Variants in RRBP1 observed in about 807,000 individuals in gnomAD.
RRBP1 encodes ribosome binding protein 1.
A neutral mutation model predicts 165.2 loss-of-function variants in RRBP1; 94 were observed. That is an observed-to-expected ratio of 0.57 (90% CI 0.48 to 0.68). The LOEUF is 0.68. Among genes scored for constraint, RRBP1 ranks in the 30% least tolerant of loss-of-function variants. RRBP1 has a pLI of 0.00. For missense variants in RRBP1, 1,676 were observed against 1,763.0 expected, an observed-to-expected ratio of 0.95 and a Z score of 0.88; for synonymous variants, 680 against 714.5, an observed-to-expected ratio of 0.95 and a Z score of 0.77.
At chr20:17,624,371 T>C (rs2236254) in intron 13 of RRBP1, among the ~76,000 whole-genome samples, 76,133 of 152,006 alleles carry the variant, frequency 0.5, 23,474 homozygotes, top group Middle Eastern at 0.71. Context: ...TCCTAGTGCC[T>C]CTGTGTGTCC....
intron 2 of RRBP1, among the ~76,000 whole-genome samples, chr20:17,663,801 A>T (rs925700798): frequency 1.3e-5 from 2 of 152,164 alleles, no homozygotes; most frequent in Non-Finnish European, 2.9e-5. Context: ...CCCCCAACAG[A>T]AACCTCTTCT....
intron 4 of RRBP1, 39 bp from the exon 5 acceptor site, chr20:17,641,958 T>C (rs771853078): frequency 5.1e-5 from 82 of 1,597,268 alleles, no homozygotes; most frequent in Non-Finnish European, 6.4e-5. Flanking sequence ...AGGGGACAAA[T>C]GGGACTTGGC....
chr20:17,636,645 C>G lies in RRBP1; in HGVS notation c.2269G>C (p.Ala757Pro), dbSNP rs757139822. 6.2e-7 allele frequency: 1 copy of G among 1,613,252 alleles called. No homozygotes were observed. The highest frequency in any genetic ancestry group is 1.1e-5 in the South Asian group (1 of 91,086). The change falls in exon 6 of 25, where the codon GCT becomes CCT. Residue 757 changes from alanine to proline, a missense_variant. Coordinates refer to ENST00000377813, the MANE Select transcript of RRBP1 (RefSeq NM_001365613.2). ...QLVAREQEITAVQARMQASYR... is the reference protein window; with the variant it reads ...QLVAREQEITPVQARMQASYR... ...CTGGCCTGCATGCGTGCCTGCACAG[C>G]CGTGATCTCCTGCTCCCGGGCCACC... is the stretch of plus-strand genomic sequence containing the variant.
At chr20:17,664,513 T>C (rs2036830756) in intron 2 of RRBP1, among the ~76,000 whole-genome samples, 2 of 152,214 alleles carry the variant, frequency 1.3e-5, no homozygotes, top group South Asian at 4.1e-4. Context: ...TGTAGGAGGC[T>C]GCGCAGAGGC....
rs1384965607 is a variant in RRBP1 at position 17,642,970 on chromosome 20, T to C, written c.2061+9A>G. ...CCTCTGAGCATGGCCAGCAGGAGGG[T>C]GGGCCCACCTTGTGCCAGGTGTCCT... On this transcript the variant is annotated intron_variant, in intron 4 of 24. Coordinates refer to ENST00000377813, the MANE Select transcript of RRBP1 (RefSeq NM_001365613.2). 1 of 1,612,044 alleles carries C rather than the reference T, an allele frequency of 6.2e-7. No homozygotes were observed. Among genetic ancestry groups the C allele is most frequent in the Admixed American group, 1.7e-5 (1 of 59,954 alleles).
chr20:17,639,818 G>A (rs569137897), intron 5 of RRBP1, among the ~76,000 whole-genome samples: 24 of 151,660 alleles, frequency 1.6e-4, no homozygotes, highest in Non-Finnish European at 3.1e-4. Context: ...GCTTGAACCC[G>A]GGAGGCGGAG....
At chr20:17,641,968 C>A in intron 4 of RRBP1, 49 bp from the exon 5 acceptor site, 1 of 1,585,662 alleles carries the variant, frequency 6.3e-7, no homozygotes, top group Non-Finnish European at 8.6e-7. Context: ...TGGGACTTGG[C>A]TCATCCCCTG....
chr20:17,662,853 A>C (rs1392867095), intron 2 of RRBP1, among the ~76,000 whole-genome samples: 2 of 152,074 alleles, frequency 1.3e-5, no homozygotes, highest in African/African-American at 4.8e-5. Context: ...ACTCTGCCAA[A>C]ATGGACACCA....
chr20:17,621,847 C>T lies in RRBP1; in HGVS notation c.3240+8G>A, dbSNP rs758658765. 2 of 1,613,652 alleles carry T rather than the reference C, an allele frequency of 1.2e-6. No homozygotes were observed. Among genetic ancestry groups the T allele is most frequent in the South Asian group, 2.2e-5 (2 of 91,080 alleles). On this transcript the variant is annotated splice_region_variant and intron_variant, in intron 14 of 24. Coordinates refer to ENST00000377813, the MANE Select transcript of RRBP1 (RefSeq NM_001365613.2). ...GTGAGGTCCCCGGGAACCACCCTCC[C>T]CTCCTACCTGTTGTGCCAAGACAGA...
chr20:17,641,848 T>G lies in RRBP1; in HGVS notation c.2133A>C (p.Thr711=). The G allele has an allele frequency of 1.2e-6, 2 of 1,614,072 alleles. No individual in the cohort carries two copies. Among genetic ancestry groups the G allele is most frequent in the Non-Finnish European group, 1.7e-6 (2 of 1,180,004 alleles). The change falls in exon 5 of 25, where the codon ACA becomes ACC. Residue 711 remains threonine (T), a synonymous_variant. Coordinates refer to ENST00000377813, the MANE Select transcript of RRBP1 (RefSeq NM_001365613.2). ...QLEEKEKLLA[T]EQEDAAVAKS... ...TGGCGACAGCCGCATCTTCCTGTTC[T>G]GTGGCCAGCAGTTTTTCCTTCTCTT...
chr20:17,669,531 C>T (rs1363661349), intron 2 of RRBP1, among the ~76,000 whole-genome samples: 3 of 152,182 alleles, frequency 2.0e-5, no homozygotes, highest in Admixed American at 6.5e-5. Flanking sequence ...CTCACCACAT[C>T]AAATATGGTA....
chr20:17,614,170 C>A lies in RRBP1; in HGVS notation c.*12G>T. The A allele has an allele frequency of 6.2e-7, 1 of 1,613,784 alleles. No individual in the cohort carries two copies. Among genetic ancestry groups the A allele is most frequent in the Middle Eastern group, 1.7e-4 (1 of 6,054 alleles). Reference sequence around the variant, plus strand: ...TAAGTTGAACAGTAACTTCTTTTTCCAAAGAGGAAACTCAGACAGAGGTGC... The same window carrying A: ...TAAGTTGAACAGTAACTTCTTTTTCAAAAGAGGAAACTCAGACAGAGGTGC... On this transcript the variant is annotated 3_prime_UTR_variant, in exon 25 of 25. Coordinates refer to ENST00000377813, the MANE Select transcript of RRBP1 (RefSeq NM_001365613.2).
chr20:17,634,017 T>C (rs867458198), intron 7 of RRBP1, among the ~76,000 whole-genome samples: 8 of 152,306 alleles, frequency 5.3e-5, no homozygotes, highest in African/African-American at 1.9e-4. Flanking sequence ...ACTGGCCAGC[T>C]GGACCAGGGC....
chr20:17,659,481 C>A lies in RRBP1; in HGVS notation c.1027G>T (p.Glu343Ter), dbSNP rs756836361. The A allele has an allele frequency of 6.5e-7, 1 of 1,535,972 alleles. No individual in the cohort carries two copies. The change falls in exon 3 of 25, where the codon GAG becomes TAG. Residue 343 changes from glutamate (E) to a stop codon, truncating the protein, a stop_gained. Transcript: ENST00000377813. LOFTEE classifies it high-confidence loss of function. ...TTCTTGCCCTGATTCTGGGCCCCCT[C>A]GGCCTTCTTGCCCTGATTCTGGGCC... Reference protein sequence around the residue: ...EGAQNQGKKAEGAQNQGKKAE... With the variant: ...EGAQNQGKKA
chr20:17,662,132 G>A (rs2036777017), intron 2 of RRBP1, among the ~76,000 whole-genome samples: 1 of 152,032 alleles, frequency 6.6e-6, no homozygotes, highest in Non-Finnish European at 1.5e-5. Context: ...GCGTGGCGGC[G>A]GGTGCCTGTA....
At chr20:17,635,806 T>A in intron 6 of RRBP1, 142 bp from the exon 7 acceptor site, 1 of 703,744 alleles carries the variant, frequency 1.4e-6, no homozygotes. Flanking sequence ...GTTAAGAGGA[T>A]CCCATAAAAC....
intron 3 of RRBP1, among the ~76,000 whole-genome samples, chr20:17,651,101 C>T (rs76168458): frequency 0.011 from 1,721 of 152,284 alleles, 73 homozygotes; most frequent in East Asian, 0.072. Flanking sequence ...CATCAATTTC[C>T]TCCTCTCCAA....
rs2122228781 is a variant in RRBP1 at position 17,614,207 on chromosome 20, C to A, written c.4208G>T (p.Ser1403Ile). ...EQLEKAEDGSSSKEGTSV is the reference protein window; with the variant it reads ...EQLEKAEDGSISKEGTSV ...TCAGACAGAGGTGCCCTCCTTTGAG[C>A]TGCTGCCGTCCTCCTGTGAACGAAG... is the stretch of plus-strand genomic sequence containing the variant. Residue 1403 changes from serine (S) to isoleucine (I), a missense_variant, in exon 25 of 25, where the codon AGC becomes ATC. Physicochemically the swap from Ser to Ile is moderately radical, Grantham distance 142. Transcript: ENST00000377813. 6.2e-7 allele frequency: 1 copy of A among 1,613,800 alleles called. No homozygotes were observed.
At chr20:17,615,380 A>G (rs760543960) in intron 23 of RRBP1, 51 bp downstream of exon 23, 3 of 1,440,372 alleles carry the variant, frequency 2.1e-6, no homozygotes, top group East Asian at 2.4e-5. Flanking sequence ...GAGTGGCGCC[A>G]GCCCCAGAGC....
Sources: gnomAD v4.1 joint callset for allele counts (sites outside exome capture counted in the v4.1 genomes callset) on GRCh38, gnomAD v4.1.1 for gene constraint, MANE v1.5 for transcripts, NCBI Gene and HGNC (gene_info 2026-07-23, HGNC 2026-07-21) for gene names.